TG: variants seen among roughly 807,000 people sequenced by gnomAD.
The protein encoded by TG is thyroid hormones.
TG carries 270 observed loss-of-function variants against 324.7 expected under a neutral mutation model. That is an observed-to-expected ratio of 0.83 (90% confidence interval 0.75 to 0.92). The LOEUF (loss-of-function observed/expected upper bound fraction) is 0.92, where lower values mean the gene tolerates loss of function less well. Among genes scored for constraint, TG ranks in the 40% least tolerant of loss-of-function variants. The pLI is 0.00. For missense variants in TG, 3,591 were observed against 3,456.4 expected (o/e 1.04, Z -0.98); for synonymous variants, 1,401 against 1,327.0 (o/e 1.06, Z -1.21).
intron 41 of TG, chr8:133,038,372 GAA>G: frequency 1.5e-6 from 1 of 651,056 alleles, no homozygotes; most frequent in East Asian, 2.6e-5. Flanking sequence ...TGTGGATAGA[GAA>G]GATGCGAATT....
At chr8:133,116,030 T>A (rs1315799320) in intron 44 of TG, among the ~76,000 whole-genome samples, 5 of 152,062 alleles carry the variant, frequency 3.3e-5, no homozygotes, top group Admixed American at 6.6e-5. Flanking sequence ...CAATCCTTTC[T>A]CTTCCCAGTT....
chr8:133,006,034 T>G (rs1833988106), intron 35 of TG, among the ~76,000 whole-genome samples: 2 of 152,196 alleles, frequency 1.3e-5, no homozygotes, highest in Admixed American at 6.5e-5. Flanking sequence ...TGCTGATGGA[T>G]TAATTTACCC....
chr8:133,049,163 G>T (rs1839975069), intron 41 of TG: 1 of 456,516 alleles, frequency 2.2e-6, no homozygotes. Flanking sequence ...CCAGGAGGCT[G>T]CAGAGGCCTC....
chr8:133,124,600 T>G (rs1469474692), intron 45 of TG, among the ~76,000 whole-genome samples: 1 of 152,242 alleles, frequency 6.6e-6, no homozygotes, highest in Non-Finnish European at 1.5e-5. Flanking sequence ...CTTCGTAGTA[T>G]GAATATTCAA....
At chr8:132,956,559 C>G (rs1356312304) in intron 27 of TG, among the ~76,000 whole-genome samples, 1 of 152,098 alleles carries the variant, frequency 6.6e-6, no homozygotes, top group South Asian at 2.1e-4. Context: ...GAACAGGGTT[C>G]TAGGCAGAGA....
chr8:132,986,025 G>C (rs574300755), intron 35 of TG, among the ~76,000 whole-genome samples: 1 of 151,938 alleles, frequency 6.6e-6, no homozygotes, highest in African/African-American at 2.4e-5. Context: ...ACTTTTTAAC[G>C]TTTAATGAAA....
chr8:133,106,778 G>T (rs910732300), intron 43 of TG, among the ~76,000 whole-genome samples: 2 of 152,138 alleles, frequency 1.3e-5, no homozygotes, highest in East Asian at 3.9e-4. Context: ...ACATAGATGT[G>T]CTGTATATTG....
At chr8:133,045,992 A>G (rs1285630846) in intron 41 of TG, among the ~76,000 whole-genome samples, 1 of 152,188 alleles carries the variant, frequency 6.6e-6, no homozygotes, top group Non-Finnish European at 1.5e-5. Flanking sequence ...AAGCTGAGTC[A>G]TCTTTCTGGG....
intron 5 of TG, among the ~76,000 whole-genome samples, chr8:132,873,929 G>T (rs1252855392): frequency 6.6e-6 from 1 of 152,150 alleles, no homozygotes; most frequent in African/African-American, 2.4e-5. Flanking sequence ...CCAGAAATTT[G>T]GGAGGCTGAG....
chr8:133,089,594 C>T (rs1308568382), intron 41 of TG, among the ~76,000 whole-genome samples: 3 of 152,192 alleles, frequency 2.0e-5, no homozygotes, highest in Admixed American at 2.0e-4. Flanking sequence ...GTTTACTTCT[C>T]ACTACACTTC....
Position 133,095,158 on chromosome 8 carries a change from T to C in TG, c.7354T>C (p.Ser2452Pro). 1 of 1,614,218 alleles carries C rather than the reference T, an allele frequency of 6.2e-7. No individual in the cohort carries two copies. Among genetic ancestry groups the C allele is most frequent in the South Asian group, 1.1e-5 (1 of 91,088 alleles). Residue 2452 changes from serine to proline, a missense_variant, in exon 42 of 48, where the codon TCC becomes CCC. Coordinates refer to ENST00000220616, the MANE Select transcript of TG (RefSeq NM_003235.5). The stretch of plus-strand genomic sequence containing the variant: ...CATGTCATCCAGCCAAGAAGTGGTG[T>C]CCTGCCTCCGCCAGAAGCCTGCCAA... ...CPMSSSQEVVSCLRQKPANVL... is the reference protein window; with the variant it reads ...CPMSSSQEVVPCLRQKPANVL...
intron 26 of TG, among the ~76,000 whole-genome samples, chr8:132,944,298 A>T (rs1824902606): frequency 6.6e-6 from 1 of 152,154 alleles, no homozygotes; most frequent in Admixed American, 6.5e-5. Flanking sequence ...CACCTGTACC[A>T]GTCTCTTAAT....
At chr8:133,113,358 A>G in intron 43 of TG, 64 bp from the exon 44 acceptor site, 1 of 1,586,838 alleles carries the variant, frequency 6.3e-7, no homozygotes, top group Non-Finnish European at 8.6e-7. Context: ...CAAGGGTTTG[A>G]GGGACACTGA....
chr8:133,060,487 G>C (rs1842213883), intron 41 of TG: 3 of 871,392 alleles, frequency 3.4e-6, no homozygotes, highest in Non-Finnish European at 5.0e-6. Context: ...ATGGTAAGCA[G>C]CCACAGCAGG....
At chr8:132,936,276 C>T (rs977793052) in intron 25 of TG, among the ~76,000 whole-genome samples, 4 of 152,208 alleles carry the variant, frequency 2.6e-5, no homozygotes, top group African/African-American at 7.2e-5. Flanking sequence ...GCAAACTGCT[C>T]ACTGGGGCCT....
intron 35 of TG, chr8:132,988,707 G>T (rs1831929539): frequency 1.0e-6 from 1 of 985,236 alleles, no homozygotes; most frequent in Admixed American, 6.2e-5. Flanking sequence ...CATCTTAAAA[G>T]GCTTACACCA....
intron 34 of TG, among the ~76,000 whole-genome samples, chr8:132,973,988 C>CTTTTTT (rs869164425): frequency 8.8e-6 from 1 of 113,014 alleles, no homozygotes; most frequent in Admixed American, 9.5e-5. Flanking sequence ...TTGACCATTC[C>CTTTTTT]TTTTTTTTTT....
At chr8:133,112,167 A>C (rs1402821730) in intron 43 of TG, among the ~76,000 whole-genome samples, 1 of 152,102 alleles carries the variant, frequency 6.6e-6, no homozygotes. Context: ...CCCAGGAGGG[A>C]CTGTGCTTAC....
chr8:133,038,472 A>G (rs766570347), intron 41 of TG: 28 of 1,391,222 alleles, frequency 2.0e-5, no homozygotes, highest in Non-Finnish European at 2.6e-5. Context: ...ATCCCAGGCA[A>G]TAGTTGGAAC....
Sources: allele counts gnomAD v4.1 joint callset (sites outside exome capture counted in the v4.1 genomes callset), GRCh38; gene constraint gnomAD v4.1.1; transcripts MANE v1.5; gene names NCBI Gene and HGNC (gene_info 2026-07-23, HGNC 2026-07-21).